The following OCA2 variants were observed in gnomAD, a reference collection of about 807,000 sequenced individuals.
The protein encoded by OCA2 is OCA2 melanosomal transmembrane protein.
OCA2 carries 77 observed loss-of-function variants against 100.2 expected under a neutral mutation model. The observed-to-expected ratio is 0.77, with a 90% CI of 0.64 to 0.93. OCA2 has a LOEUF of 0.93. OCA2 is among the 40% of genes least tolerant of loss of function. The pLI is 0.00. For missense variants in OCA2, 1,062 were observed against 1,089.1 expected (o/e 0.98, Z 0.35); for synonymous variants, 432 against 439.2 (o/e 0.98, Z 0.21).
At chr15:28,008,381 G>C (rs2042146752) in intron 9 of OCA2, among the ~76,000 whole-genome samples, 1 of 152,234 alleles carries the variant, frequency 6.6e-6, no homozygotes, top group Non-Finnish European at 1.5e-5. Flanking sequence ...ATCCAAGCAA[G>C]CATTAGCTCA....
At chr15:27,918,864 G>A (rs997203636) in intron 19 of OCA2, among the ~76,000 whole-genome samples, 1 of 152,124 alleles carries the variant, frequency 6.6e-6, no homozygotes, top group African/African-American at 2.4e-5. Context: ...AATAGAATGA[G>A]AAGACAGACA....
chr15:27,924,762 A>G (rs1449737717), intron 19 of OCA2, among the ~76,000 whole-genome samples: 3 of 152,218 alleles, frequency 2.0e-5, no homozygotes, highest in African/African-American at 7.2e-5. Flanking sequence ...AAAGAGAGGA[A>G]AAAAGATATG....
chr15:27,754,208 T>C (rs2030177356), downstream of OCA2, among the ~76,000 whole-genome samples: 1 of 152,188 alleles, frequency 6.6e-6, no homozygotes, highest in Non-Finnish European at 1.5e-5. Context: ...TCAAAGGGCA[T>C]ATAAACACTC....
Position 28,018,510 on chromosome 15 carries a change from G to T in OCA2, c.694C>A (p.Leu232Met). The T allele has an allele frequency of 6.2e-7, 1 of 1,613,776 alleles. No individual in the cohort carries two copies. Residue 232 changes from leucine to methionine, a missense_variant, in exon 7 of 24, where the codon CTG becomes ATG. By Grantham distance (15) the Leu-to-Met change is conservative. Transcript: ENST00000354638. Reference sequence around the variant, plus strand: ...CCACTGGCCACTAGGGCCCCTGCCAGGTCCACCTGCAGCAGCGTGGAGTCC... The same window carrying T: ...CCACTGGCCACTAGGGCCCCTGCCATGTCCACCTGCAGCAGCGTGGAGTCC... ...HVDSTLLQVDLAGALVASGPS... is the reference protein window; with the variant it reads ...HVDSTLLQVDMAGALVASGPS...
At chr15:27,806,229 A>T (rs1250247392) in intron 23 of OCA2, among the ~76,000 whole-genome samples, 1 of 152,208 alleles carries the variant, frequency 6.6e-6, no homozygotes, top group African/African-American at 2.4e-5. Flanking sequence ...TAAGTTGTGT[A>T]CAATCCTAGG....
chr15:27,742,725 C>A, the OCA2 span, among the ~76,000 whole-genome samples: 9 of 152,204 alleles, frequency 5.9e-5, no homozygotes, highest in Non-Finnish European at 1.2e-4. Context: ...CCCTCAGGCA[C>A]CTCGAGCTCT....
intron 23 of OCA2, among the ~76,000 whole-genome samples, chr15:27,805,301 T>A (rs2033788050): frequency 6.6e-6 from 1 of 152,150 alleles, no homozygotes; most frequent in Admixed American, 6.5e-5. Context: ...GGGCAGTAAA[T>A]CGGAGGCGAT....
intron 15 of OCA2, among the ~76,000 whole-genome samples, chr15:27,964,334 A>C (rs934124918): frequency 1.3e-5 from 2 of 152,276 alleles, no homozygotes; most frequent in Admixed American, 1.3e-4. Context: ...TATTAGCAAG[A>C]AGCAGCATGA....
At chr15:27,990,191 T>A (rs1443844367) in intron 10 of OCA2, among the ~76,000 whole-genome samples, 1 of 152,116 alleles carries the variant, frequency 6.6e-6, no homozygotes. Flanking sequence ...TCCAGGGGCC[T>A]CCTGATCTCT....
intron 2 of OCA2, among the ~76,000 whole-genome samples, chr15:28,056,584 C>T (rs72712679): frequency 0.092 from 13,943 of 152,296 alleles, 816 homozygotes; most frequent in African/African-American, 0.16. Context: ...TGCTTTACTT[C>T]TTTCCACTGC....
intron 1 of OCA2, among the ~76,000 whole-genome samples, chr15:28,090,904 AG>A (rs990164616): frequency 6.6e-6 from 1 of 152,284 alleles, no homozygotes; most frequent in African/African-American, 2.4e-5. Flanking sequence ...TGAAACCAAG[AG>A]CTACTTCTTT....
chr15:27,920,710 A>C (rs943437187), intron 19 of OCA2, among the ~76,000 whole-genome samples: 1 of 152,140 alleles, frequency 6.6e-6, no homozygotes, highest in Non-Finnish European at 1.5e-5. Context: ...AGGAAATAAA[A>C]ATTATTTTTA....
intron 23 of OCA2, among the ~76,000 whole-genome samples, chr15:27,836,444 C>G (rs1259450116): frequency 6.6e-6 from 1 of 151,622 alleles, no homozygotes; most frequent in Non-Finnish European, 1.5e-5. Context: ...TTCTTTCTTT[C>G]TTCTTTAGCA....
chr15:28,021,878 G>C (rs549501680), intron 6 of OCA2, among the ~76,000 whole-genome samples: 15 of 152,224 alleles, frequency 9.9e-5, no homozygotes, highest in Middle Eastern at 3.4e-3. Flanking sequence ...CAGCTGGCAG[G>C]GCGCCCGGTA....
intron 14 of OCA2, among the ~76,000 whole-genome samples, chr15:27,978,484 T>C (rs1332341790): frequency 6.6e-6 from 1 of 152,204 alleles, no homozygotes; most frequent in African/African-American, 2.4e-5. Flanking sequence ...GTTGTATAAA[T>C]GTAATTTTTA....
rs1188402207 is a variant in OCA2, at chr15:27,882,663, C to A, written c.2080-10741G>T. Reference sequence around the variant, plus strand: ...CTGTCAATGTTAAAATATGTAAACTCTGGATTCTGTTTTAATCTTCTGGAG... The same window carrying A: ...CTGTCAATGTTAAAATATGTAAACTATGGATTCTGTTTTAATCTTCTGGAG... On this transcript the variant is annotated intron_variant, in intron 19 of 23. Coordinates refer to ENST00000354638, the MANE Select transcript of OCA2 (RefSeq NM_000275.3). Among the ~76,000 whole-genome samples, 3 of 152,100 alleles carry A rather than the reference C, an allele frequency of 2.0e-5. No homozygotes were observed. The East Asian group carries it at 5.8e-4, about 29-fold the overall frequency.
intron 18 of OCA2, among the ~76,000 whole-genome samples, chr15:27,946,304 C>T (rs1440075039): frequency 6.6e-6 from 1 of 152,152 alleles, no homozygotes; most frequent in Non-Finnish European, 1.5e-5. Context: ...TATTTGAGTC[C>T]TTGTGGATGA....
At chr15:27,822,098 A>G (rs1369651974) in intron 23 of OCA2, among the ~76,000 whole-genome samples, 1 of 152,142 alleles carries the variant, frequency 6.6e-6, no homozygotes, top group Admixed American at 6.5e-5. Context: ...GAAAAAATGC[A>G]CCTATCATAC....
chr15:27,934,160 C>G (rs977588), intron 18 of OCA2, among the ~76,000 whole-genome samples: 1 of 150,214 alleles, frequency 6.7e-6, no homozygotes, highest in Non-Finnish European at 1.5e-5. Context: ...ACTACAACAG[C>G]AACATTTTAA....
Sources: gnomAD v4.1 joint callset for allele counts (sites outside exome capture counted in the v4.1 genomes callset) on GRCh38, gnomAD v4.1.1 for gene constraint, MANE v1.5 for transcripts, NCBI Gene and HGNC (gene_info 2026-07-23, HGNC 2026-07-21) for gene names.